The following ABCC8 variants were observed in gnomAD, a reference collection of about 807,000 sequenced individuals.
ABCC8 encodes the protein ATP-binding cassette sub-family C member 8.
Under a neutral mutation model 188.0 loss-of-function variants are expected in ABCC8, and 137 were observed. The observed-to-expected ratio is 0.73, with a 90% confidence interval of 0.63 to 0.84. ABCC8 has a LOEUF of 0.84. Ranked by LOEUF, ABCC8 falls within the 40% of genes least tolerant of loss-of-function variation. ABCC8 has a pLI of 0.00. For missense variants in ABCC8, 1,750 were observed against 2,072.7 expected (o/e 0.84, Z 3.02); for synonymous variants, 797 against 846.5 (o/e 0.94, Z 1.01).
chr11:17,408,485 C>T lies in ABCC8; in HGVS notation c.2727G>A (p.Arg909=). Reference sequence around the variant, plus strand: ...TCTGGAAGTCCTTGAGGGTACCCTCCCTCTGGATGGTGCCATCCTTCATGG... The same window carrying T: ...TCTGGAAGTCCTTGAGGGTACCCTCTCTCTGGATGGTGCCATCCTTCATGG... ...IIAMKDGTIQ[R]EGTLKDFQRS... The change falls in exon 23 of 39, where the codon AGG becomes AGA. Residue 909 remains arginine (R), a synonymous_variant. Transcript: ENST00000389817. 6.2e-7 allele frequency: 1 copy of T among 1,613,472 alleles called. No individual in the cohort carries two copies. Among genetic ancestry groups the T allele is most frequent in the Non-Finnish European group, 8.5e-7 (1 of 1,179,996 alleles).
intron 2 of ABCC8, among the ~76,000 whole-genome samples, chr11:17,472,172 A>G (rs887820161): frequency 7.2e-5 from 11 of 152,256 alleles, no homozygotes; most frequent in African/African-American, 2.7e-4. Context: ...AGGATTAACC[A>G]TAATTGAACT....
At chr11:17,435,017 G>GTGTGTGTGTGTGTT (rs1564934612) in intron 10 of ABCC8, among the ~76,000 whole-genome samples, 4 of 146,196 alleles carry the variant, frequency 2.7e-5, no homozygotes, top group Non-Finnish European at 6.1e-5. Context: ...GTGTGTGTGT[G>GTGTGTGTGTGTGTT]TTTTGCAAGA....
intron 10 of ABCC8, among the ~76,000 whole-genome samples, chr11:17,441,811 G>C (rs1956326551): frequency 6.6e-6 from 1 of 152,236 alleles, no homozygotes. Context: ...GCTGGGCACA[G>C]TGGCTCATGC....
intron 29 of ABCC8, among the ~76,000 whole-genome samples, chr11:17,400,194 G>T (rs1202078442): frequency 2.0e-5 from 3 of 152,196 alleles, no homozygotes; most frequent in African/African-American, 7.2e-5. Flanking sequence ...CTGAAGGGAG[G>T]TTCTGAGGTG....
chr11:17,407,160 A>T lies in ABCC8; in HGVS notation c.2921-31T>A. ...GGCCGCAAGAACCCACTCTGTGGCT[A>T]CACATTTCCATCCCTCTGAGGGTGA... is the stretch of plus-strand genomic sequence containing the variant. On this transcript the variant is annotated intron_variant, in intron 24 of 38. Transcript: ENST00000389817. The T allele has an allele frequency of 3.1e-6, 5 of 1,603,408 alleles. No individual in the cohort carries two copies. The South Asian group carries it at 5.5e-5, about 18-fold the overall frequency.
intron 27 of ABCC8, 69 bp downstream of exon 27, chr11:17,405,425 G>C: frequency 1.2e-6 from 2 of 1,609,262 alleles, no homozygotes; most frequent in Admixed American, 3.3e-5. Context: ...CCCAGCCTCA[G>C]ACAGGAGAAG....
intron 26 of ABCC8, chr11:17,406,358 G>A (rs1000343470): frequency 1.9e-6 from 1 of 535,772 alleles, no homozygotes; most frequent in African/African-American, 1.9e-5. Flanking sequence ...TCTTTACTTG[G>A]ATGTGCAGAC....
chr11:17,430,671 C>G, intron 12 of ABCC8, 143 bp downstream of exon 12: 1 of 1,030,478 alleles, frequency 9.7e-7, no homozygotes, highest in Non-Finnish European at 1.5e-6. Context: ...TCCCTCTGAC[C>G]AACCAGGACC....
At chr11:17,466,074 G>C (rs542406737) in intron 3 of ABCC8, among the ~76,000 whole-genome samples, 1 of 152,220 alleles carries the variant, frequency 6.6e-6, no homozygotes, top group South Asian at 2.1e-4. Context: ...TGAACCTTGA[G>C]GACATTATGC....
chr11:17,428,846 G>T, intron 12 of ABCC8, 176 bp from the exon 13 acceptor site: 1 of 1,194,524 alleles, frequency 8.4e-7, no homozygotes, highest in Non-Finnish European at 1.1e-6. Context: ...GTGTTACCAG[G>T]GTTTGCTAGG....
intron 16 of ABCC8, among the ~76,000 whole-genome samples, chr11:17,425,336 G>T (rs1955532175): frequency 6.6e-6 from 1 of 152,208 alleles, no homozygotes; most frequent in African/African-American, 2.4e-5. Flanking sequence ...GGACATCTTG[G>T]AAATGCAGGA....
At chr11:17,473,342 G>A (rs1848581564) in intron 2 of ABCC8, among the ~76,000 whole-genome samples, 1 of 152,088 alleles carries the variant, frequency 6.6e-6, no homozygotes, top group African/African-American at 2.4e-5. Context: ...CTGGTCTAGG[G>A]ACTTTAATAA....
intron 28 of ABCC8, among the ~76,000 whole-genome samples, chr11:17,403,698 T>A (rs1954362255): frequency 6.6e-6 from 1 of 152,198 alleles, no homozygotes; most frequent in African/African-American, 2.4e-5. Context: ...ATATTTTATC[T>A]CACAAATCAG....
intron 26 of ABCC8, among the ~76,000 whole-genome samples, chr11:17,406,035 C>T (rs1038265259): frequency 4.6e-5 from 7 of 152,240 alleles, no homozygotes; most frequent in African/African-American, 1.7e-4. Flanking sequence ...ACTCATGAGG[C>T]TGGAAAGTAA....
intron 29 of ABCC8, among the ~76,000 whole-genome samples, chr11:17,402,085 G>A (rs865961365): frequency 6.6e-6 from 1 of 152,206 alleles, no homozygotes; most frequent in African/African-American, 2.4e-5. Flanking sequence ...CATCTTTTTA[G>A]TGCCTGGCAT....
At chr11:17,475,482 C>A (rs1447653539) in intron 1 of ABCC8, among the ~76,000 whole-genome samples, 1 of 152,146 alleles carries the variant, frequency 6.6e-6, no homozygotes, top group African/African-American at 2.4e-5. Context: ...TCACAGCCCA[C>A]CAAAATGCTG....
chr11:17,461,563 G>A lies in ABCC8; in HGVS notation c.822+20C>T, dbSNP rs181998151. ...AACCAGAAGGCAGTGAATAGATGGT[G>A]TGGCTGTGCCCCCACTGACCACCTG... On this transcript the variant is annotated intron_variant, in intron 5 of 38. Coordinates refer to ENST00000389817, the MANE Select transcript of ABCC8 (RefSeq NM_000352.6). 2.5e-4 allele frequency: 400 copies of A among 1,614,176 alleles called. 1 individual carries two copies. In the African/African-American group the frequency reaches 3.7e-3, roughly 15 times the overall value.
Position 17,410,625 on chromosome 11 carries a change from T to A in ABCC8, c.2585A>T (p.His862Leu). The change falls in exon 22 of 39, where the codon CAT becomes CTT. Residue 862 changes from histidine (H) to leucine (L), a missense_variant. Coordinates refer to ENST00000389817, the MANE Select transcript of ABCC8 (RefSeq NM_000352.6). ...LDDPFSALDI[H>L]LSDHLMQAGI... is the part of the protein sequence containing the mutation. ...GGCCTGCATTAAGTGGTCACTCAGA[T>A]GGATATCCAGAGCTGAGAAGGGGTC... The A allele has an allele frequency of 1.2e-6, 2 of 1,613,948 alleles. No homozygotes were observed. Among genetic ancestry groups the A allele is most frequent in the Non-Finnish European group, 8.5e-7 (1 of 1,179,952 alleles).
At chr11:17,458,073 C>T (rs1478254775) in intron 6 of ABCC8, among the ~76,000 whole-genome samples, 1 of 152,154 alleles carries the variant, frequency 6.6e-6, no homozygotes, top group Non-Finnish European at 1.5e-5. Context: ...AGCTCAGAAG[C>T]CCACATGAGA....
Sources: gnomAD v4.1 joint callset for allele counts (sites outside exome capture counted in the v4.1 genomes callset) on GRCh38, gnomAD v4.1.1 for gene constraint, MANE v1.5 for transcripts, NCBI Gene and HGNC (gene_info 2026-07-23, HGNC 2026-07-21) for gene names.